Variants in EML4 observed in about 807,000 individuals in gnomAD.
EML4 encodes the protein EMAP like 4, also known as echinoderm microtubule-associated protein-like 4.
In EML4, 72 loss-of-function variants were observed where a neutral mutation model predicts 129.0. The observed-to-expected ratio is 0.56, with a 90% confidence interval of 0.46 to 0.68. The LOEUF (loss-of-function observed/expected upper bound fraction) is 0.68, where lower values mean the gene tolerates loss of function less well. Among genes scored for constraint, EML4 ranks in the 30% least tolerant of loss-of-function variants. The probability of loss-of-function intolerance (pLI) is 0.00; values close to 1 mark genes in which losing one functional copy is unlikely to be tolerated. For missense variants in EML4, 1,363 were observed against 1,190.6 expected (o/e 1.14, Z -2.13); for synonymous variants, 532 against 405.0 (o/e 1.31, Z -3.77).
At chr2:42,187,840 C>T (rs1671350323) in intron 1 of EML4, among the ~76,000 whole-genome samples, 1 of 152,028 alleles carries the variant, frequency 6.6e-6, no homozygotes, top group Non-Finnish European at 1.5e-5. Context: ...TGATGAAATC[C>T]ATTTATCAGT....
At chr2:42,294,741 A>G (rs945434762) in intron 11 of EML4, among the ~76,000 whole-genome samples, 7 of 152,136 alleles carry the variant, frequency 4.6e-5, no homozygotes. Context: ...CCATAATAAT[A>G]GTACAAAGAA....
chr2:42,326,377 G>A, intron 21 of EML4, 125 bp downstream of exon 21: 1 of 635,072 alleles, frequency 1.6e-6, no homozygotes, highest in Non-Finnish European at 2.6e-6. Flanking sequence ...ATTAATGTCA[G>A]CCTCAGAGAA....
chr2:42,295,258 G>C lies in EML4; in HGVS notation c.1352G>C (p.Gly451Ala). Reference sequence around the variant, plus strand: ...CTAACAAGAAAACAGGGAATTTTTGGGGTAAGAATCAGATTGTTTTAATGT... The same window carrying C: ...CTAACAAGAAAACAGGGAATTTTTGCGGTAAGAATCAGATTGTTTTAATGT... ...NSLTRKQGIFGKYEKPKFVQC... is the reference protein window; with the variant it reads ...NSLTRKQGIFAKYEKPKFVQC... The change falls in exon 12 of 23, where the codon GGG becomes GCG. Residue 451 changes from glycine to alanine, a missense_variant and splice_region_variant. Coordinates refer to ENST00000318522, the MANE Select transcript of EML4 (RefSeq NM_019063.5). 5.6e-6 allele frequency: 9 copies of C among 1,612,684 alleles called. No individual in the cohort carries two copies. The highest frequency in any genetic ancestry group is 6.8e-6 in the Non-Finnish European group (8 of 1,179,602).
At chr2:42,209,101 G>T (rs1390513519) in intron 1 of EML4, among the ~76,000 whole-genome samples, 1 of 151,914 alleles carries the variant, frequency 6.6e-6, no homozygotes, top group Non-Finnish European at 1.5e-5. Context: ...TAATCTAATT[G>T]TAAAGGAATG....
intron 1 of EML4, among the ~76,000 whole-genome samples, chr2:42,206,674 T>C (rs1672565927): frequency 2.6e-5 from 4 of 152,256 alleles, no homozygotes; most frequent in Non-Finnish European, 5.9e-5. Flanking sequence ...TAGTTTTGTC[T>C]GATATTTCTT....
chr2:42,289,530 A>G (rs565127756), intron 11 of EML4: 1 of 152,234 alleles, frequency 6.6e-6, no homozygotes, highest in Admixed American at 6.5e-5. Context: ...CTCTACCACA[A>G]ATGAAAATCA....
At chr2:42,283,628 A>G (rs1464666910) in intron 8 of EML4, among the ~76,000 whole-genome samples, 1 of 152,160 alleles carries the variant, frequency 6.6e-6, no homozygotes, top group Non-Finnish European at 1.5e-5. Context: ...TGGCACCTGT[A>G]TCTTTATCCA....
chr2:42,215,395 C>G (rs959146101), intron 1 of EML4, among the ~76,000 whole-genome samples: 1 of 152,138 alleles, frequency 6.6e-6, no homozygotes, highest in Non-Finnish European at 1.5e-5. Context: ...ATCTTATAAT[C>G]CAAGCTGATT....
chr2:42,233,699 TATTC>T (rs2104217384), intron 1 of EML4, among the ~76,000 whole-genome samples: 1 of 152,354 alleles, frequency 6.6e-6, no homozygotes, highest in East Asian at 1.9e-4. Context: ...TTGTTAATTA[TATTC>T]ATTAACTTAG....
Position 42,295,213 on chromosome 2 carries a change from G to A in EML4, c.1307G>A (p.Trp436Ter), listed in dbSNP as rs1667874378. The change falls in exon 12 of 23, where the codon TGG becomes TAG. Residue 436 changes from tryptophan to a stop codon, truncating the protein, a stop_gained. Coordinates refer to ENST00000318522, the MANE Select transcript of EML4 (RefSeq NM_019063.5). LOFTEE classifies it high-confidence loss of function. ...TGCGGTAAATCTCATATTTTCTTCT[G>A]GACCTGGAGCGGCAATTCACTAACA... ...ITCGKSHIFFWTWSGNSLTRK... is the reference protein window; with the variant it reads ...ITCGKSHIFF 6.2e-7 allele frequency: 1 copy of A among 1,613,146 alleles called. No individual in the cohort carries two copies. The highest frequency in any genetic ancestry group is 1.7e-5 in the Admixed American group (1 of 59,846).
rs1572611128 is a variant in EML4 at position 42,241,760 on chromosome 2, G to C, written c.26-3745G>C. Among the ~76,000 whole-genome samples, 5 of 152,132 alleles carry C rather than the reference G, an allele frequency of 3.3e-5. No individual in the cohort carries two copies. In the Middle Eastern group the frequency reaches 0.014, roughly 414 times the overall value. On this transcript the variant is annotated intron_variant, in intron 1 of 22. Coordinates refer to ENST00000318522, the MANE Select transcript of EML4 (RefSeq NM_019063.5). ...AAGGCACATAAGGTGAGAGTCAAAA[G>C]ACTTGTCTTTGAGTCTGAGATACCT...
intron 6 of EML4, among the ~76,000 whole-genome samples, chr2:42,273,475 G>A (rs1287646593): frequency 6.6e-6 from 1 of 152,176 alleles, no homozygotes; most frequent in Non-Finnish European, 1.5e-5. Flanking sequence ...GTGGGTAACT[G>A]TAAGTTGGCT....
chr2:42,303,110 G>A lies in EML4; in HGVS notation c.1648G>A (p.Asp550Asn). The A allele has an allele frequency of 1.2e-6, 2 of 1,613,802 alleles. No homozygotes were observed. Among genetic ancestry groups the A allele is most frequent in the East Asian group, 2.2e-5 (1 of 44,864 alleles). ...LNPEREIEVP[D>N]QYGTIRAVAE... ...TTTACACTTTTTTTTCTAGGTTCCT[G>A]ATCAGTATGGCACAATCAGAGCTGT... is the stretch of plus-strand genomic sequence containing the variant. The change falls in exon 15 of 23, where the codon GAT (aspartate) becomes AAT (asparagine). Residue 550 changes from aspartate to asparagine, a missense_variant. Transcript: ENST00000318522.
intron 17 of EML4, among the ~76,000 whole-genome samples, chr2:42,311,151 A>G (rs1256893340): frequency 6.6e-6 from 1 of 152,254 alleles, no homozygotes; most frequent in Non-Finnish European, 1.5e-5. Context: ...TTACCAAAAC[A>G]GACACTCTAG....
At chr2:42,255,306 C>T (rs773322760) in intron 2 of EML4, among the ~76,000 whole-genome samples, 29 of 152,020 alleles carry the variant, frequency 1.9e-4, no homozygotes, top group Non-Finnish European at 2.1e-4. Flanking sequence ...AGGATGGACT[C>T]GATCTCCTGA....
intron 21 of EML4, among the ~76,000 whole-genome samples, chr2:42,327,028 C>T (rs1669847174): frequency 6.6e-6 from 1 of 152,126 alleles, no homozygotes; most frequent in Non-Finnish European, 1.5e-5. Context: ...TCTACCCCAC[C>T]CCCCAGCAAC....
intron 1 of EML4, among the ~76,000 whole-genome samples, chr2:42,214,162 T>A (rs1190537675): frequency 6.6e-6 from 1 of 152,176 alleles, no homozygotes; most frequent in African/African-American, 2.4e-5. Flanking sequence ...AGACAACAGC[T>A]TGGGCGGGAG....
chr2:42,203,425 T>G (rs994868636), intron 1 of EML4, among the ~76,000 whole-genome samples: 2 of 152,180 alleles, frequency 1.3e-5, no homozygotes, highest in African/African-American at 4.8e-5. Context: ...TTGAATAAAT[T>G]TGGTTTGTCA....
At chr2:42,179,712 C>T (rs1670818046) in intron 1 of EML4, among the ~76,000 whole-genome samples, 2 of 152,172 alleles carry the variant, frequency 1.3e-5, no homozygotes, top group South Asian at 2.1e-4. Flanking sequence ...AAGCGATTAT[C>T]CTGCCTCAGC....
Sources: gnomAD v4.1 joint callset for allele counts (sites outside exome capture counted in the v4.1 genomes callset) on GRCh38, gnomAD v4.1.1 for gene constraint, MANE v1.5 for transcripts, NCBI Gene and HGNC (gene_info 2026-07-23, HGNC 2026-07-21) for gene names.